Variants in COL14A1 observed in about 807,000 individuals in gnomAD.
The protein encoded by COL14A1 is collagen type XIV alpha 1 chain, also known as collagen alpha-1(XIV) chain.
Under a neutral mutation model 230.3 loss-of-function variants are expected in COL14A1, and 136 were observed. The ratio of observed to expected loss-of-function variants is 0.59; its 90% CI spans 0.51 to 0.68. The LOEUF (loss-of-function observed/expected upper bound fraction) is 0.68, where lower values mean the gene tolerates loss of function less well. Ranked by LOEUF, COL14A1 falls within the 30% of genes least tolerant of loss-of-function variation. The pLI is 0.00. For missense variants in COL14A1, 1,976 were observed against 2,215.8 expected, an observed-to-expected ratio of 0.89 and a Z score of 2.17; for synonymous variants, 792 against 784.1, an observed-to-expected ratio of 1.01 and a Z score of -0.17.
chr8:120,270,881 A>G (rs1819646253), intron 26 of COL14A1, among the ~76,000 whole-genome samples: 1 of 151,808 alleles, frequency 6.6e-6, no homozygotes. Context: ...ATATATACCC[A>G]AAGGAATATA....
At chr8:120,165,627 A>G (rs538602560) in intron 4 of COL14A1, among the ~76,000 whole-genome samples, 5 of 152,298 alleles carry the variant, frequency 3.3e-5, no homozygotes, top group Non-Finnish European at 7.3e-5. Flanking sequence ...TACATGAGGA[A>G]GACATATATA....
chr8:120,216,314 G>T, intron 13 of COL14A1, 37 bp from the exon 14 acceptor site: 1 of 1,567,770 alleles, frequency 6.4e-7, no homozygotes, highest in South Asian at 1.2e-5. Context: ...TATGTAATTT[G>T]ACATTTTAAT....
rs779340317 is a variant in COL14A1, at chr8:120,162,462, C to T, written c.242C>T (p.Ala81Val). 8 of 1,611,238 alleles carry T rather than the reference C, an allele frequency of 5.0e-6. No individual in the cohort carries two copies. In the African/African-American group the frequency reaches 6.7e-5, roughly 13 times the overall value. Reference protein sequence around the residue: ...KTNQLNLQNTATKAIIQGLMP... With the variant: ...KTNQLNLQNTVTKAIIQGLMP... ...AACCAGCTGAATCTGCAGAACACTGCAACTAAAGCAATTATTCAAGGCCTT... is the reference window on the plus strand; with the variant it reads ...AACCAGCTGAATCTGCAGAACACTGTAACTAAAGCAATTATTCAAGGCCTT... Residue 81 changes from alanine to valine, a missense_variant, in exon 4 of 48, where the codon GCA becomes GTA. Physicochemically the swap from Ala to Val is moderately conservative, Grantham distance 64. Transcript: ENST00000297848.
intron 47 of COL14A1, 77 bp downstream of exon 47, chr8:120,369,562 T>G (rs2130401274): frequency 7.4e-7 from 1 of 1,357,478 alleles, no homozygotes; most frequent in South Asian, 2.0e-5. Flanking sequence ...GGGAAGATAG[T>G]GCTATGAAAA....
chr8:120,168,149 CT>C lies in COL14A1; in HGVS notation c.350-8del. On this transcript the variant is annotated splice_polypyrimidine_tract_variant and intron_variant, in intron 4 of 47. Coordinates refer to ENST00000297848, the MANE Select transcript of COL14A1 (RefSeq NM_021110.4). ...AGTATAACATGGTGCTGTATCTCTA[CT>C]TTTCTTCCAGTTAAAGATTTAGAAA... 1.3e-6 allele frequency: 2 copies of C among 1,585,698 alleles called. No individual in the cohort carries two copies. Among genetic ancestry groups the C allele is most frequent in the African/African-American group, 1.3e-5 (1 of 74,160 alleles).
At chr8:120,324,453 G>T (rs1821585623) in intron 40 of COL14A1, among the ~76,000 whole-genome samples, 2 of 152,202 alleles carry the variant, frequency 1.3e-5, no homozygotes, top group African/African-American at 4.8e-5. Context: ...TAGTTGCTTG[G>T]CCTCTTAATC....
chr8:120,204,460 G>T (rs1817366650), intron 9 of COL14A1, among the ~76,000 whole-genome samples: 1 of 152,162 alleles, frequency 6.6e-6, no homozygotes, highest in Non-Finnish European at 1.5e-5. Flanking sequence ...TCATGCAGGA[G>T]AATTCCCTGG....
chr8:120,367,192 A>G lies in COL14A1; in HGVS notation c.5099A>G (p.Glu1700Gly). ...GERGLTGIKG[E>G]KGNPGVGTQG... is the part of the protein sequence containing the mutation. ...ACAGGTCTAACTGGTATCAAAGGAG[A>G]AAAAGGAAATCCAGGCGTTGGAACC... The change falls in exon 46 of 48, where the codon GAA (glutamate) becomes GGA (glycine). Residue 1700 changes from glutamate (E) to glycine (G), a missense_variant. Coordinates refer to ENST00000297848, the MANE Select transcript of COL14A1 (RefSeq NM_021110.4). The G allele has an allele frequency of 6.2e-7, 1 of 1,612,348 alleles. No individual in the cohort carries two copies. Among genetic ancestry groups the G allele is most frequent in the Non-Finnish European group, 8.5e-7 (1 of 1,179,050 alleles).
At chr8:120,209,667 AATATGGTCAATCT>A in intron 11 of COL14A1, 76 bp from the exon 12 acceptor site, 1 of 1,342,494 alleles carries the variant, frequency 7.4e-7, no homozygotes, top group Non-Finnish European at 1.0e-6. Context: ...CTTCCCCTCA[AATATGGTCAATCT>A]TATTTCTTGA....
chr8:120,266,499 A>G (rs1013418162), intron 24 of COL14A1, among the ~76,000 whole-genome samples: 2 of 152,050 alleles, frequency 1.3e-5, no homozygotes, highest in African/African-American at 4.8e-5. Flanking sequence ...TGTGAAAGCA[A>G]CAGGAGACGA....
intron 4 of COL14A1, among the ~76,000 whole-genome samples, chr8:120,166,926 GTGA>G (rs1486231856): frequency 7.0e-4 from 104 of 148,088 alleles, no homozygotes; most frequent in African/African-American, 2.5e-3. Flanking sequence ...GTGTGTGGTG[GTGA>G]TGATGGTGGT....
chr8:120,207,370 A>G (rs193174085), intron 10 of COL14A1, among the ~76,000 whole-genome samples: 2 of 152,226 alleles, frequency 1.3e-5, no homozygotes. Context: ...GTTCTAAAGT[A>G]AAAGGTATCA....
intron 34 of COL14A1, among the ~76,000 whole-genome samples, chr8:120,293,135 A>G (rs1260580130): frequency 6.6e-6 from 1 of 151,964 alleles, no homozygotes; most frequent in African/African-American, 2.4e-5. Context: ...CTGGCATACA[A>G]TCATATTTCT....
At chr8:120,299,150 C>T (rs1820628877) in intron 35 of COL14A1, among the ~76,000 whole-genome samples, 1 of 151,966 alleles carries the variant, frequency 6.6e-6, no homozygotes, top group Non-Finnish European at 1.5e-5. Flanking sequence ...CTGCCTGTGA[C>T]ACGTGAGGAT....
chr8:120,127,772 G>A (rs1051968425), intron 1 of COL14A1, among the ~76,000 whole-genome samples: 3 of 152,304 alleles, frequency 2.0e-5, no homozygotes. Context: ...AGCCACATTC[G>A]CAGTCAGTGT....
At chr8:120,265,643 G>A (rs1023133388) in intron 24 of COL14A1, among the ~76,000 whole-genome samples, 3 of 149,626 alleles carry the variant, frequency 2.0e-5, no homozygotes, top group Non-Finnish European at 3.0e-5. Context: ...GTATATATAT[G>A]TGTGTGTGTG....
chr8:120,262,180 T>TA (rs941314346), intron 23 of COL14A1, among the ~76,000 whole-genome samples: 8 of 151,676 alleles, frequency 5.3e-5, no homozygotes, highest in Admixed American at 6.6e-5. Context: ...AGTTCAGATT[T>TA]AAAAAAAATA....
intron 5 of COL14A1, among the ~76,000 whole-genome samples, chr8:120,189,234 G>A (rs1816738914): frequency 6.6e-6 from 1 of 152,136 alleles, no homozygotes; most frequent in South Asian, 2.1e-4. Context: ...GACAAACATT[G>A]TACATGTGTA....
intron 21 of COL14A1, among the ~76,000 whole-genome samples, chr8:120,249,446 A>G (rs75089118): frequency 0.026 from 3,923 of 152,198 alleles, 73 homozygotes; most frequent in Non-Finnish European, 0.032. Context: ...CCCATCACCA[A>G]TGTTTTTGTC....
Sources: allele counts gnomAD v4.1 joint callset (sites outside exome capture counted in the v4.1 genomes callset), GRCh38; gene constraint gnomAD v4.1.1; transcripts MANE v1.5; gene names NCBI Gene and HGNC (gene_info 2026-07-23, HGNC 2026-07-21).